Variants in SPAG16 observed in about 807,000 individuals in gnomAD.
The protein encoded by SPAG16 is sperm-associated antigen 16 protein.
In SPAG16, 86 loss-of-function variants were observed where a neutral mutation model predicts 80.4. The observed-to-expected ratio is 1.07, with a 90% CI of 0.90 to 1.28. The LOEUF (loss-of-function observed/expected upper bound fraction) is 1.28, where lower values mean the gene tolerates loss of function less well. Among genes scored for constraint, SPAG16 ranks in the 50% most tolerant of loss-of-function variants. The probability of loss-of-function intolerance (pLI) is 0.00; values close to 1 mark genes in which losing one functional copy is unlikely to be tolerated. For missense variants in SPAG16, 870 were observed against 765.3 expected (o/e 1.14, Z -1.61); for synonymous variants, 294 against 265.9 (o/e 1.11, Z -1.03).
chr2:213,677,452 G>C (rs1278575526), intron 10 of SPAG16, among the ~76,000 whole-genome samples: 2 of 151,808 alleles, frequency 1.3e-5, no homozygotes, highest in African/African-American at 4.8e-5. Context: ...AACAAAAAAA[G>C]GCAGGGGTTG....
intron 9 of SPAG16, among the ~76,000 whole-genome samples, chr2:213,407,329 C>T (rs1469805637): frequency 2.0e-5 from 3 of 151,940 alleles, no homozygotes; most frequent in African/African-American, 7.3e-5. Context: ...GGGGTTGAGC[C>T]TTCCAGGGCA....
chr2:213,832,813 C>T (rs1175685508), intron 10 of SPAG16, among the ~76,000 whole-genome samples: 2 of 152,126 alleles, frequency 1.3e-5, no homozygotes, highest in Non-Finnish European at 2.9e-5. Flanking sequence ...AAGGCCCTCA[C>T]GTATGTAAAT....
chr2:213,743,541 A>T (rs2067680693), intron 10 of SPAG16, among the ~76,000 whole-genome samples: 1 of 152,126 alleles, frequency 6.6e-6, no homozygotes, highest in Non-Finnish European at 1.5e-5. Context: ...TGCTTTTATT[A>T]TTTAATATTA....
chr2:214,286,258 C>T (rs1011471333), intron 15 of SPAG16, among the ~76,000 whole-genome samples: 1 of 152,034 alleles, frequency 6.6e-6, no homozygotes, highest in African/African-American at 2.4e-5. Context: ...TAACGTACAA[C>T]AATGTGACTA....
intron 15 of SPAG16, among the ~76,000 whole-genome samples, chr2:214,313,773 A>C (rs1231493043): frequency 6.6e-6 from 1 of 152,042 alleles, no homozygotes; most frequent in Non-Finnish European, 1.5e-5. Context: ...TCTAAATACC[A>C]CATTCAGGAT....
chr2:213,342,203 TG>T (rs2064720321), intron 6 of SPAG16, among the ~76,000 whole-genome samples: 1 of 151,480 alleles, frequency 6.6e-6, no homozygotes, highest in Non-Finnish European at 1.5e-5. Flanking sequence ...ATTCTATATC[TG>T]TGTGTTGTAT....
chr2:213,806,963 C>A (rs993074842), intron 10 of SPAG16, among the ~76,000 whole-genome samples: 4 of 152,156 alleles, frequency 2.6e-5, no homozygotes, highest in African/African-American at 9.7e-5. Context: ...GATACATTAG[C>A]TGTTTTCCAT....
At chr2:213,710,815 T>C (rs1367755305) in intron 10 of SPAG16, among the ~76,000 whole-genome samples, 1 of 152,218 alleles carries the variant, frequency 6.6e-6, no homozygotes, top group Non-Finnish European at 1.5e-5. Context: ...GACCGTGTGG[T>C]CAATTTTCTT....
At chr2:214,110,538 G>A (rs2053612809) in intron 14 of SPAG16, among the ~76,000 whole-genome samples, 1 of 152,110 alleles carries the variant, frequency 6.6e-6, no homozygotes, top group African/African-American at 2.4e-5. Flanking sequence ...GTCTATGATT[G>A]ATGGACATTT....
intron 10 of SPAG16, among the ~76,000 whole-genome samples, chr2:213,702,997 T>G (rs1467223247): frequency 6.6e-6 from 1 of 152,148 alleles, no homozygotes; most frequent in Non-Finnish European, 1.5e-5. Context: ...AATGTGAAAC[T>G]CAGGTGTGCT....
At position 213,364,097 on chromosome 2, in the gene SPAG16, T is replaced by C. The variant is rs759600418; in HGVS notation, c.784T>C (p.Leu262=). 5.3e-6 allele frequency: 8 copies of C among 1,522,668 alleles called. No homozygotes were observed. The highest frequency in any genetic ancestry group is 4.2e-5 in the African/African-American group (3 of 71,376). The allele number at this position is 1,522,668 out of a possible 1,614,324, so 94.3% of individuals were successfully genotyped here. A position where few individuals can be genotyped will look rare whatever the true frequency, so the allele number is the denominator to read the frequency against. Residue 262 remains leucine (L), a synonymous_variant, in exon 8 of 16, where the codon TTG becomes CTG. Coordinates refer to ENST00000331683, the MANE Select transcript of SPAG16 (RefSeq NM_024532.5). ...VGQISGLQET[L]KKLQRGHSYH... ...TTAGATTTCTGGACTTCAAGAAACA[T>C]TGAAGAAACTGCAAAGAGGACATAG... is the stretch of plus-strand genomic sequence containing the variant.
At chr2:213,482,463 A>C (rs1503377) in intron 9 of SPAG16, among the ~76,000 whole-genome samples, 3,538 of 152,326 alleles carry the variant, frequency 0.023, 58 homozygotes, top group South Asian at 0.038. Context: ...TGACAGTAGT[A>C]AGATTATAAG....
chr2:213,843,746 G>A lies in SPAG16; in HGVS notation c.1071-18739G>A, dbSNP rs139478099. The stretch of plus-strand genomic sequence containing the variant: ...TGTGTCTGTAGTTCCAGCTACTTGG[G>A]AGGCTGAGGCAGGAGAATCTCTAGA... On this transcript the variant is annotated intron_variant, in intron 10 of 15. Coordinates refer to ENST00000331683, the MANE Select transcript of SPAG16 (RefSeq NM_024532.5). Among the ~76,000 whole-genome samples the A allele has an allele frequency of 5.3e-3, 804 of 152,112 alleles. 14 individuals carry two copies. Among genetic ancestry groups the A allele is most frequent in the East Asian group, 0.04 (208 of 5,146 alleles).
At chr2:214,025,919 T>C (rs1205444603) in intron 13 of SPAG16, among the ~76,000 whole-genome samples, 1 of 151,584 alleles carries the variant, frequency 6.6e-6, no homozygotes, top group Non-Finnish European at 1.5e-5. Flanking sequence ...TGTAAACTTC[T>C]GTAAAAGATT....
At chr2:213,606,796 G>C (rs1261032085) in intron 10 of SPAG16, among the ~76,000 whole-genome samples, 1 of 152,116 alleles carries the variant, frequency 6.6e-6, no homozygotes, top group African/African-American at 2.4e-5. Context: ...CCTAATTCTA[G>C]CATCATCCAT....
chr2:213,869,789 AT>A (rs527902224), intron 11 of SPAG16, among the ~76,000 whole-genome samples: 51 of 152,248 alleles, frequency 3.3e-4, no homozygotes, highest in Admixed American at 2.9e-3. Flanking sequence ...GCAAGTATTA[AT>A]TTTAGCTTTA....
intron 10 of SPAG16, among the ~76,000 whole-genome samples, chr2:213,743,538 A>G (rs2067680582): frequency 6.6e-6 from 1 of 152,082 alleles, no homozygotes; most frequent in Admixed American, 6.5e-5. Context: ...GAATGCTTTT[A>G]TTATTTAATA....
intron 8 of SPAG16, among the ~76,000 whole-genome samples, chr2:213,373,002 GTGTT>G (rs1452741378): frequency 1.3e-5 from 2 of 152,272 alleles, no homozygotes; most frequent in Admixed American, 6.5e-5. Context: ...AAATGAAAGT[GTGTT>G]TGTTTATTTG....
At chr2:214,114,127 C>A (rs4483988) in intron 14 of SPAG16, among the ~76,000 whole-genome samples, 24,057 of 152,168 alleles carry the variant, frequency 0.16, 1,935 homozygotes, top group East Asian at 0.17. Flanking sequence ...CCACTCCAGA[C>A]CCTGTTTGCC....
Sources: gnomAD v4.1 joint callset for allele counts (sites outside exome capture counted in the v4.1 genomes callset) on GRCh38, gnomAD v4.1.1 for gene constraint, MANE v1.5 for transcripts, NCBI Gene and HGNC (gene_info 2026-07-23, HGNC 2026-07-21) for gene names.